TRPC4: variants seen among roughly 807,000 people sequenced by gnomAD.
The protein encoded by TRPC4 is transient receptor potential cation channel subfamily C member 4, also known as short transient receptor potential channel 4.
In TRPC4, 49 loss-of-function variants were observed where a neutral mutation model predicts 99.4. That is an observed-to-expected ratio of 0.49 (90% CI 0.39 to 0.63). The LOEUF is 0.63. Ranked by LOEUF, TRPC4 falls within the 20% of genes least tolerant of loss-of-function variation. The probability of loss-of-function intolerance (pLI) is 0.00; values close to 1 mark genes in which losing one functional copy is unlikely to be tolerated. For missense variants in TRPC4, 898 were observed against 1,152.9 expected, an observed-to-expected ratio of 0.78 and a Z score of 3.20; for synonymous variants, 454 against 425.9, an observed-to-expected ratio of 1.07 and a Z score of -0.81.
At chr13:37,750,060 T>C (rs1048797895) in intron 2 of TRPC4, among the ~76,000 whole-genome samples, 1 of 152,138 alleles carries the variant, frequency 6.6e-6, no homozygotes, top group East Asian at 1.9e-4. Context: ...TTTCACACAC[T>C]TTGAAAATTT....
intron 2 of TRPC4, among the ~76,000 whole-genome samples, chr13:37,760,556 C>T (rs1195979466): frequency 6.6e-6 from 1 of 151,864 alleles, no homozygotes; most frequent in Non-Finnish European, 1.5e-5. Flanking sequence ...TGCAGATTCC[C>T]TTATTTCCCA....
At chr13:37,689,496 A>T (rs1953610541) in intron 4 of TRPC4, among the ~76,000 whole-genome samples, 1 of 152,172 alleles carries the variant, frequency 6.6e-6, no homozygotes. Flanking sequence ...CAAGATGATC[A>T]TTTGCACGCA....
Position 37,812,196 on chromosome 13 carries a change from C to CAAAA in TRPC4, c.-27-28837_-27-28836insTTTT, listed in dbSNP as rs1566188981. Among the ~76,000 whole-genome samples the CAAAA allele has an allele frequency of 1.1e-4, 4 of 35,536 alleles. 1 individual carries two copies. Among genetic ancestry groups the CAAAA allele is most frequent in the African/African-American group, 3.0e-4 (3 of 9,960 alleles). 23.3% of individuals were successfully genotyped at this position (35,536 alleles called of 152,430 possible). ...TCTATCAAAAAAAAAAAAAAAAAAA[C>CAAAA]CAGGAGATCTAATTGCTTCAAGTAA... On this transcript the variant is annotated intron_variant, in intron 1 of 10. Coordinates refer to ENST00000379705, the MANE Select transcript of TRPC4 (RefSeq NM_016179.4).
intron 3 of TRPC4, among the ~76,000 whole-genome samples, chr13:37,713,127 G>A (rs1293264399): frequency 1.3e-5 from 2 of 152,070 alleles, no homozygotes; most frequent in Non-Finnish European, 2.9e-5. Context: ...AATTTCCAGG[G>A]ACACAAAACT....
At position 37,724,292 on chromosome 13, in the gene TRPC4, C is replaced by T. The variant is rs79191313; in HGVS notation, c.897+21645G>A. The stretch of plus-strand genomic sequence containing the variant: ...AGTGTGTAGGTATGTTTTGTGTGCA[C>T]GTGGATGCAGATATCTGGTTTTGGA... On this transcript the variant is annotated intron_variant, in intron 3 of 10. Coordinates refer to ENST00000379705, the MANE Select transcript of TRPC4 (RefSeq NM_016179.4). 7.3e-3 allele frequency among the ~76,000 whole-genome samples: 1,107 copies of T among 152,110 alleles called. 13 individuals are homozygous for T. Among genetic ancestry groups the T allele is most frequent in the African/African-American group, 0.024 (1,013 of 41,504 alleles).
In TRPC4 at chr13:37,766,358, A is replaced by G. The variant is rs957606990; in HGVS notation, c.378+16598T>C. ...GAGAATGAGGCCTCAGCAATTCTTTATGGTAATAGACTGTTGCAACGAAAT... is the reference window on the plus strand; with the variant it reads ...GAGAATGAGGCCTCAGCAATTCTTTGTGGTAATAGACTGTTGCAACGAAAT... On this transcript the variant is annotated intron_variant, in intron 2 of 10. Transcript: ENST00000379705. Among the ~76,000 whole-genome samples, 3 of 151,442 alleles carry G rather than the reference A, an allele frequency of 2.0e-5. No individual in the cohort carries two copies. In the Admixed American group the frequency reaches 2.0e-4, roughly 10 times the overall value.
chr13:37,808,350 T>A (rs541888258), intron 1 of TRPC4, among the ~76,000 whole-genome samples: 18 of 152,168 alleles, frequency 1.2e-4, no homozygotes, highest in Middle Eastern at 3.4e-3. Context: ...ATGTGGTACC[T>A]ACTGCAATGG....
chr13:37,761,761 C>A (rs1377496219), intron 2 of TRPC4, among the ~76,000 whole-genome samples: 1 of 151,786 alleles, frequency 6.6e-6, no homozygotes, highest in Non-Finnish European at 1.5e-5. Context: ...TTCAGTTTGA[C>A]CAGATTCATT....
intron 8 of TRPC4, 86 bp downstream of exon 8, chr13:37,651,179 A>G: frequency 6.7e-7 from 1 of 1,487,704 alleles, no homozygotes; most frequent in African/African-American, 1.4e-5. Flanking sequence ...AAAAGGCTAA[A>G]GACCTGAACA....
At chr13:37,674,418 A>G in intron 4 of TRPC4, 51 bp from the exon 5 acceptor site, 1 of 1,561,326 alleles carries the variant, frequency 6.4e-7, no homozygotes, top group Non-Finnish European at 8.7e-7. Context: ...AGAATCACTA[A>G]AAAAGCAATA....
At chr13:37,698,674 G>A (rs1184040262) in intron 3 of TRPC4, among the ~76,000 whole-genome samples, 3 of 152,042 alleles carry the variant, frequency 2.0e-5, no homozygotes, top group Admixed American at 1.3e-4. Flanking sequence ...CTAATTACGG[G>A]AATAAACACA....
intron 1 of TRPC4, among the ~76,000 whole-genome samples, chr13:37,846,389 G>A (rs1037909331): frequency 6.6e-6 from 1 of 152,012 alleles, no homozygotes; most frequent in South Asian, 2.1e-4. Flanking sequence ...AAATTGCTAA[G>A]AAATACAAAT....
chr13:37,676,436 A>G (rs4943530), intron 4 of TRPC4, among the ~76,000 whole-genome samples: 149,865 of 151,012 alleles, frequency 0.99, 74,374 homozygotes, highest in Middle Eastern at 1. Context: ...GCAGTAGCGC[A>G]ATCTCCGCCC....
chr13:37,864,715 C>A (rs1959623546), intron 1 of TRPC4, among the ~76,000 whole-genome samples: 1 of 151,528 alleles, frequency 6.6e-6, no homozygotes, highest in African/African-American at 2.4e-5. Context: ...ATAACAAGCT[C>A]TTTGCTTGTA....
In TRPC4 at chr13:37,737,641, A is replaced by AT. The variant is rs531902825; in HGVS notation, c.897+8295dup. On this transcript the variant is annotated intron_variant, in intron 3 of 10. Coordinates refer to ENST00000379705, the MANE Select transcript of TRPC4 (RefSeq NM_016179.4). ...GGCACATGCCACCATGCCCAGCTAA[A>AT]TTTTCTTTTCTTTGTAGAGACAGAA... 1.3e-4 allele frequency among the ~76,000 whole-genome samples: 19 copies of AT among 151,710 alleles called. No homozygotes were observed. The South Asian group carries it at 3.8e-3, about 30-fold the overall frequency.
At chr13:37,650,356 T>C (rs1164232051) in intron 8 of TRPC4, among the ~76,000 whole-genome samples, 1 of 152,170 alleles carries the variant, frequency 6.6e-6, no homozygotes, top group Non-Finnish European at 1.5e-5. Context: ...AAAACATTAC[T>C]ATGAGAACTT....
chr13:37,746,067 A>C lies in TRPC4; in HGVS notation c.767T>G (p.Leu256Arg). 6.2e-7 allele frequency: 1 copy of C among 1,613,962 alleles called. No homozygotes were observed. The highest frequency in any genetic ancestry group is 8.5e-7 in the Non-Finnish European group (1 of 1,179,890). ...RQCKQFAKDLLDQTRSSRELE... is the reference protein window; with the variant it reads ...RQCKQFAKDLRDQTRSSRELE... ...TTCTCTGGAACTTCTCGTCTGATCC[A>C]GTAGGTCCTTAGCAAATTGTTTGCA... The change falls in exon 3 of 11, where the codon CTG becomes CGG. Residue 256 changes from leucine (L) to arginine (R), a missense_variant. Leu to Arg is a moderately radical substitution (Grantham distance 102). This residue lies in a region of TRPC4 where 278 missense variants were observed against 346.6 expected (regional missense o/e 0.80). Coordinates refer to ENST00000379705, the MANE Select transcript of TRPC4 (RefSeq NM_016179.4).
At chr13:37,663,307 T>C in intron 6 of TRPC4, 109 bp downstream of exon 6, 1 of 1,055,482 alleles carries the variant, frequency 9.5e-7, no homozygotes, top group Non-Finnish European at 1.3e-6. Flanking sequence ...AGCACAATTT[T>C]AGTTCCCCAT....
intron 1 of TRPC4, among the ~76,000 whole-genome samples, chr13:37,860,549 C>T (rs1258154447): frequency 1.3e-5 from 2 of 151,450 alleles, no homozygotes; most frequent in African/African-American, 4.8e-5. Context: ...ATGTCTATGT[C>T]CAACCTATGG....
Sources: gnomAD v4.1 joint callset for allele counts (sites outside exome capture counted in the v4.1 genomes callset) on GRCh38, gnomAD v4.1.1 for gene constraint, gnomAD v4.1.1 regional missense constraint, MANE v1.5 for transcripts, NCBI Gene and HGNC (gene_info 2026-07-23, HGNC 2026-07-21) for gene names.